Variants in TXNRD2 observed in about 807,000 individuals in gnomAD.
TXNRD2 encodes the protein thioredoxin reductase 2, also known as thioredoxin reductase 2, mitochondrial.
TXNRD2 carries 67 observed loss-of-function variants against 70.8 expected under a neutral mutation model. That is an observed-to-expected ratio of 0.95 (90% CI 0.78 to 1.16). The LOEUF (loss-of-function observed/expected upper bound fraction) is 1.16. Ranked by LOEUF, TXNRD2 falls within the 50% of genes most tolerant of loss-of-function variation. The pLI, the probability that TXNRD2 is intolerant of heterozygous loss-of-function variation, is 0.00. For missense variants in TXNRD2, 644 were observed against 719.9 expected, an observed-to-expected ratio of 0.89 and a Z score of 1.21; for synonymous variants, 301 against 295.8, an observed-to-expected ratio of 1.02 and a Z score of -0.18.
chr22:19,901,998 A>G (rs1939799222), intron 8 of TXNRD2, among the ~76,000 whole-genome samples: 1 of 152,230 alleles, frequency 6.6e-6, no homozygotes, highest in Non-Finnish European at 1.5e-5. Flanking sequence ...CGGGAGTTCA[A>G]GACCAGCCTG....
At chr22:19,915,695 C>A (rs1940605138) in intron 6 of TXNRD2, 70 bp downstream of exon 6, 3 of 1,428,108 alleles carry the variant, frequency 2.1e-6, no homozygotes, top group Non-Finnish European at 3.0e-6. Context: ...AGGCCAAACA[C>A]AGCTGCAGTT....
intron 3 of TXNRD2, among the ~76,000 whole-genome samples, 169 bp from the exon 4 acceptor site, chr22:19,919,173 A>G (rs1220664208): frequency 5.1e-5 from 2 of 39,554 alleles, no homozygotes; most frequent in East Asian, 9.6e-4. Flanking sequence ...AAATAAAAAC[A>G]GTTGTTTTTA....
chr22:19,937,251 C>T (rs764013190), intron 1 of TXNRD2, among the ~76,000 whole-genome samples: 1 of 152,140 alleles, frequency 6.6e-6, no homozygotes, highest in Non-Finnish European at 1.5e-5. Context: ...TACTACTGCT[C>T]ATTTAGGCTT....
intron 4 of TXNRD2, 98 bp from the exon 5 acceptor site, chr22:19,918,315 A>C: frequency 8.8e-7 from 1 of 1,133,638 alleles, no homozygotes; most frequent in Non-Finnish European, 1.3e-6. Flanking sequence ...ATTCATAGAA[A>C]TATCAAAAAA....
chr22:19,910,723 A>T (rs930281874), intron 8 of TXNRD2, among the ~76,000 whole-genome samples: 2 of 152,092 alleles, frequency 1.3e-5, no homozygotes, highest in Non-Finnish European at 2.9e-5. Flanking sequence ...CCTCCCACCT[A>T]AAGCCTCCCA....
intron 1 of TXNRD2, chr22:19,933,596 C>T (rs1941443594): frequency 2.9e-6 from 3 of 1,022,692 alleles, no homozygotes; most frequent in East Asian, 1.2e-4. Flanking sequence ...GCCCCCTGTG[C>T]ACACCCAGGA....
intron 2 of TXNRD2, among the ~76,000 whole-genome samples, chr22:19,929,023 A>G (rs1941259986): frequency 7.1e-6 from 1 of 140,668 alleles, no homozygotes; most frequent in Non-Finnish European, 1.5e-5. Flanking sequence ...AAAAAGAGGT[A>G]GTTAAGTTAA....
intron 7 of TXNRD2, among the ~76,000 whole-genome samples, chr22:19,913,458 C>T (rs1357479233): frequency 6.6e-6 from 1 of 152,192 alleles, no homozygotes; most frequent in Admixed American, 6.5e-5. Flanking sequence ...GAGTCAGCAA[C>T]TATAGGGTCA....
intron 11 of TXNRD2, among the ~76,000 whole-genome samples, chr22:19,893,077 T>C (rs981979996): frequency 6.6e-6 from 1 of 152,166 alleles, no homozygotes; most frequent in East Asian, 1.9e-4. Flanking sequence ...TCCAGGCTGG[T>C]TTCCTTTCTG....
intron 12 of TXNRD2, chr22:19,881,038 C>T (rs1390145014): frequency 1.2e-5 from 6 of 499,614 alleles, no homozygotes; most frequent in Non-Finnish European, 1.8e-5. Context: ...TTGCTGACCT[C>T]GGAGGGCTGC....
chr22:19,912,425 CCT>C (rs1329589542), intron 7 of TXNRD2, among the ~76,000 whole-genome samples: 5 of 152,308 alleles, frequency 3.3e-5, no homozygotes, highest in African/African-American at 1.2e-4. Context: ...TGCTGGATCC[CCT>C]GTGAGCCCAA....
At chr22:19,915,503 A>C (rs1218581808) in intron 6 of TXNRD2, among the ~76,000 whole-genome samples, 1 of 152,140 alleles carries the variant, frequency 6.6e-6, no homozygotes, top group African/African-American at 2.4e-5. Flanking sequence ...AACTCCAAGC[A>C]CTTCAAGGCA....
intron 1 of TXNRD2, chr22:19,932,319 C>A: frequency 6.2e-7 from 1 of 1,612,526 alleles, no homozygotes; most frequent in Non-Finnish European, 8.5e-7. Context: ...GGTTTCATCC[C>A]TGGAATTCCT....
intron 10 of TXNRD2, among the ~76,000 whole-genome samples, chr22:19,896,930 G>A (rs1174294957): frequency 1.3e-5 from 2 of 152,168 alleles, no homozygotes; most frequent in Admixed American, 6.5e-5. Flanking sequence ...GAGAACCATG[G>A]AGCCTGTCCA....
intron 11 of TXNRD2, 192 bp downstream of exon 11, chr22:19,895,215 A>T: frequency 6.3e-7 from 1 of 1,598,000 alleles, no homozygotes; most frequent in Non-Finnish European, 8.5e-7. Flanking sequence ...GGATGGCAAG[A>T]TGGGCACAGC....
intron 2 of TXNRD2, among the ~76,000 whole-genome samples, chr22:19,920,207 G>A (rs1940845057): frequency 6.6e-6 from 1 of 152,152 alleles, no homozygotes; most frequent in Non-Finnish European, 1.5e-5. Context: ...CACACTTCCC[G>A]CTGCAGAGCC....
intron 11 of TXNRD2, among the ~76,000 whole-genome samples, chr22:19,892,987 G>A (rs1355775461): frequency 2.0e-5 from 3 of 152,190 alleles, no homozygotes; most frequent in Non-Finnish European, 4.4e-5. Flanking sequence ...AGAGCCCTGC[G>A]TGCGCTCAGG....
rs138922817 is a variant in TXNRD2 at position 19,912,358 on chromosome 22, G to A, written c.592-911C>T. On this transcript the variant is annotated intron_variant, in intron 7 of 17. Coordinates refer to ENST00000400521, the MANE Select transcript of TXNRD2 (RefSeq NM_006440.5). Reference sequence around the variant, plus strand: ...GCCTTGGCAGACACCCTGGGAGGGCGTGGCAGGGAGAGCGAAGCAGCCCTG... The same window carrying A: ...GCCTTGGCAGACACCCTGGGAGGGCATGGCAGGGAGAGCGAAGCAGCCCTG... Among the ~76,000 whole-genome samples, 302 of 152,348 alleles carry A rather than the reference G, an allele frequency of 2.0e-3. 1 individual carries two copies. Among genetic ancestry groups the A allele is most frequent in the African/African-American group, 6.6e-3 (273 of 41,586 alleles).
rs1455935635 is a variant in TXNRD2 at position 19,911,398 on chromosome 22, A to G, written c.641T>C (p.Leu214Pro). 3 of 1,613,978 alleles carry G rather than the reference A, an allele frequency of 1.9e-6. No individual in the cohort carries two copies. The highest frequency in any genetic ancestry group is 2.5e-6 in the Non-Finnish European group (3 of 1,179,966). Reference sequence around the variant, plus strand: ...TTACGTTTTTCCAGGGGATTCCTTCAGCCAGAAGATGTCATCACTTGTGAT... The same window carrying G: ...TTACGTTTTTCCAGGGGATTCCTTCGGCCAGAAGATGTCATCACTTGTGAT... The part of the protein sequence containing the change: ...YGITSDDIFW[L>P]KESPGKTLVV... Residue 214 changes from leucine to proline, a missense_variant, in exon 8 of 18, where the codon CTG (leucine) becomes CCG (proline). Transcript: ENST00000400521.
Sources: gnomAD v4.1 joint callset for allele counts (sites outside exome capture counted in the v4.1 genomes callset) on GRCh38, gnomAD v4.1.1 for gene constraint, MANE v1.5 for transcripts, NCBI Gene and HGNC (gene_info 2026-07-23, HGNC 2026-07-21) for gene names.